Variants in FANCD2 observed in about 807,000 individuals in gnomAD.
The protein encoded by FANCD2 is Fanconi anemia group D2 protein.
Under a neutral mutation model 192.3 loss-of-function variants are expected in FANCD2, and 131 were observed. The observed-to-expected ratio is 0.68, with a 90% CI of 0.59 to 0.79. The LOEUF is 0.79. Ranked by LOEUF, FANCD2 falls within the 30% of genes least tolerant of loss-of-function variation. The pLI is 0.00. For missense variants in FANCD2, 1,508 were observed against 1,701.6 expected (o/e 0.89, Z 2.00); for synonymous variants, 524 against 612.5 (o/e 0.86, Z 2.13).
intron 43 of FANCD2, chr3:10,099,193 T>G: frequency 7.2e-7 from 1 of 1,394,162 alleles, no homozygotes; most frequent in South Asian, 1.6e-5. Flanking sequence ...CATACAAAAA[T>G]AGAAATGTGA....
chr3:10,098,112 G>A (rs946662515), intron 42 of FANCD2, among the ~76,000 whole-genome samples: 1 of 152,098 alleles, frequency 6.6e-6, no homozygotes, highest in African/African-American at 2.4e-5. Flanking sequence ...TCTGAGTCTT[G>A]TAGTCAATTA....
chr3:10,050,800 G>T (rs1345469400), intron 17 of FANCD2, among the ~76,000 whole-genome samples: 1 of 150,628 alleles, frequency 6.6e-6, no homozygotes, highest in Non-Finnish European at 1.5e-5. Context: ...CAAGAGTGAG[G>T]GATTGGCCGG....
In FANCD2 at chr3:10,063,921, A is replaced by G. The variant is rs1355427068; in HGVS notation, c.1947+10A>G. The G allele has an allele frequency of 3.1e-6, 5 of 1,614,228 alleles. No homozygotes were observed. The South Asian group carries it at 5.5e-5, about 18-fold the overall frequency. ...GGATCCAAAAGCCCTGGTAAAGCCA[A>G]TTGTCTTTTCTTAAAGCAATAAAGC... is the stretch of plus-strand genomic sequence containing the variant. On this transcript the variant is annotated intron_variant, in intron 21 of 43. Coordinates refer to ENST00000675286, the MANE Select transcript of FANCD2 (RefSeq NM_001018115.3).
chr3:10,088,573 A>G (rs1694380915), intron 35 of FANCD2, 31 bp downstream of exon 35: 2 of 1,448,664 alleles, frequency 1.4e-6, no homozygotes, highest in Non-Finnish European at 1.9e-6. Context: ...CAATGAGCCA[A>G]ATAGCTTTTT....
At chr3:10,059,059 G>A (rs1203020246) in intron 18 of FANCD2, among the ~76,000 whole-genome samples, 2 of 151,956 alleles carry the variant, frequency 1.3e-5, no homozygotes, top group Non-Finnish European at 2.9e-5. Flanking sequence ...TGTCACCCAG[G>A]CTAGAGTACA....
Position 10,067,855 on chromosome 3 carries a change from G to T in FANCD2, c.2494+538G>T, listed in dbSNP as rs112529037. The stretch of plus-strand genomic sequence containing the variant: ...GGCCAAATGGGATGATTTATCCCAG[G>T]GATGCAAGGATTGTTCAACATATGT... On this transcript the variant is annotated intron_variant, in intron 26 of 43. Coordinates refer to ENST00000675286, the MANE Select transcript of FANCD2 (RefSeq NM_001018115.3). Among the ~76,000 whole-genome samples the T allele has an allele frequency of 5.3e-5, 8 of 152,182 alleles. 1 individual carries two copies. The highest frequency in any genetic ancestry group is 1.9e-4 in the African/African-American group (8 of 41,540).
Position 10,095,229 on chromosome 3 carries a change from C to G in FANCD2, c.3993C>G (p.Phe1331Leu). ...ATGTTCTGAGCTTACTGGAAACCTT[C>G]CAGTTGGACACAAGGCTGCTTCATC... ...REDVLSLLET[F>L]QLDTRLLHHL... Residue 1331 changes from phenylalanine (F) to leucine (L), a missense_variant, in exon 41 of 44, where the codon TTC becomes TTG. Around this residue, in one of 5 missense-constraint regions of FANCD2, gnomAD observed 796 missense variants for 879.4 expected, o/e 0.91. Transcript: ENST00000675286. The G allele has an allele frequency of 1.9e-6, 3 of 1,614,134 alleles. No individual in the cohort carries two copies. The highest frequency in any genetic ancestry group is 2.5e-6 in the Non-Finnish European group (3 of 1,179,980).
intron 17 of FANCD2, among the ~76,000 whole-genome samples, chr3:10,051,817 T>A (rs2087228522): frequency 6.6e-6 from 1 of 152,220 alleles, no homozygotes; most frequent in Non-Finnish European, 1.5e-5. Context: ...GCTATTATTA[T>A]CACCATGTTA....
intron 36 of FANCD2, 29 bp from the exon 37 acceptor site, chr3:10,090,263 T>A (rs1187925786): frequency 1.3e-6 from 2 of 1,522,026 alleles, no homozygotes; most frequent in Non-Finnish European, 1.8e-6. Flanking sequence ...CATCATGGTG[T>A]GGGCACGCAT....
In FANCD2 at chr3:10,040,357, G is replaced by A. The variant is rs2086836165; in HGVS notation, c.695+512G>A. ...GGCCCCATGTACTTTCTTTTAAATG[G>A]TATACCTGTTATGAGCGTGAAGTCT... On this transcript the variant is annotated intron_variant, in intron 9 of 43. Transcript: ENST00000675286. 7.6e-6 allele frequency: 3 copies of A among 394,264 alleles called. No individual in the cohort carries two copies. In the Admixed American group the frequency reaches 9.2e-5, roughly 12 times the overall value. 24.4% of individuals were successfully genotyped at this position (394,264 alleles called of 1,614,324 possible). A position where few individuals can be genotyped will look rare whatever the true frequency, so the allele number is the denominator to read the frequency against.
intron 25 of FANCD2, 125 bp from the exon 26 acceptor site, chr3:10,067,084 T>G (rs1401477311): frequency 2.8e-6 from 2 of 722,282 alleles, no homozygotes; most frequent in Non-Finnish European, 4.9e-6. Flanking sequence ...TTGAGGACAG[T>G]TCTATTACAG....
intron 37 of FANCD2, among the ~76,000 whole-genome samples, chr3:10,091,505 C>T (rs1694609889): frequency 1.3e-5 from 2 of 151,932 alleles, no homozygotes; most frequent in African/African-American, 2.4e-5. Context: ...CATATACCGG[C>T]TGTAGCTTCT....
intron 18 of FANCD2, among the ~76,000 whole-genome samples, chr3:10,054,446 C>CATATATATAT (rs1319690526): frequency 1.9e-4 from 7 of 36,496 alleles, no homozygotes; most frequent in African/African-American, 3.9e-4. Flanking sequence ...CATGTATATA[C>CATATATATAT]ATATATATAT....
intron 17 of FANCD2, among the ~76,000 whole-genome samples, chr3:10,051,694 C>A (rs1434522593): frequency 6.6e-6 from 1 of 151,966 alleles, no homozygotes; most frequent in Non-Finnish European, 1.5e-5. Context: ...TGCTTGTAGG[C>A]TGAGAGAAAG....
chr3:10,100,682 A>AG (rs1262857617), intron 43 of FANCD2, among the ~76,000 whole-genome samples: 1 of 152,088 alleles, frequency 6.6e-6, no homozygotes, highest in Non-Finnish European at 1.5e-5. Context: ...CCATACCACC[A>AG]CTTGTAATAA....
intron 18 of FANCD2, among the ~76,000 whole-genome samples, chr3:10,053,928 C>T (rs572680526): frequency 2.6e-5 from 4 of 152,132 alleles, no homozygotes; most frequent in East Asian, 1.9e-4. Flanking sequence ...TGTTTGTGGG[C>T]GCCATTCACT....
At position 10,063,807 on chromosome 3, in the gene FANCD2, C is replaced by G; in HGVS notation, c.1843C>G (p.Gln615Glu). 1 of 1,614,226 alleles carries G rather than the reference C, an allele frequency of 6.2e-7. No individual in the cohort carries two copies. Among genetic ancestry groups the G allele is most frequent in the South Asian group, 1.1e-5 (1 of 91,090 alleles). ...EQCTQVTSLL[Q>E]LVHSCSEQSP... is the part of the protein sequence containing the mutation. ...TTTGCTCCAGGTGACCTCCTTGTTG[C>G]AGTTGGTTCATTCCTGCAGTGAGCA... Residue 615 changes from glutamine to glutamate, a missense_variant, in exon 21 of 44, where the codon CAG becomes GAG. Physicochemically the swap from Gln to Glu is conservative, Grantham distance 29. Around this residue, in one of 5 missense-constraint regions of FANCD2, gnomAD observed 59 missense variants for 111.9 expected, o/e 0.53. Coordinates refer to ENST00000675286, the MANE Select transcript of FANCD2 (RefSeq NM_001018115.3).
chr3:10,079,654 A>G (rs1395012154), intron 30 of FANCD2, among the ~76,000 whole-genome samples: 1 of 152,104 alleles, frequency 6.6e-6, no homozygotes. Flanking sequence ...TGCCCTGAAC[A>G]TTCCTGAATC....
chr3:10,101,349 C>A lies in FANCD2; in HGVS notation c.*87C>A. 1.3e-5 allele frequency: 9 copies of A among 679,100 alleles called. No homozygotes were observed. Among genetic ancestry groups the A allele is most frequent in the Non-Finnish European group, 2.0e-5 (8 of 390,690 alleles). 42.1% of individuals were successfully genotyped at this position (679,100 alleles called of 1,614,324 possible). On this transcript the variant is annotated 3_prime_UTR_variant, in exon 44 of 44. Coordinates refer to ENST00000675286, the MANE Select transcript of FANCD2 (RefSeq NM_001018115.3). ...AGTTTGAAATCCGCTGTTTGCCTTT[C>A]TTACTGGTAGGATCCTTTTTTGTTC... is the stretch of plus-strand genomic sequence containing the variant.
Sources: gnomAD v4.1 joint callset for allele counts (sites outside exome capture counted in the v4.1 genomes callset) on GRCh38, gnomAD v4.1.1 for gene constraint, gnomAD v4.1.1 regional missense constraint, MANE v1.5 for transcripts, NCBI Gene and HGNC (gene_info 2026-07-23, HGNC 2026-07-21) for gene names.